MAST4: variants seen among roughly 807,000 people sequenced by gnomAD.
The protein encoded by MAST4 is microtubule associated serine/threonine kinase family member 4, also known as microtubule-associated serine/threonine-protein kinase 4.
A neutral mutation model predicts 162.7 loss-of-function variants in MAST4; 89 were observed. The ratio of observed to expected loss-of-function variants is 0.55; its 90% CI spans 0.46 to 0.65. The LOEUF (loss-of-function observed/expected upper bound fraction) is 0.65. Ranked by LOEUF, MAST4 falls within the 30% of genes least tolerant of loss-of-function variation. MAST4 has a pLI of 0.00. For missense variants in MAST4, 3,153 were observed against 3,374.0 expected, an observed-to-expected ratio of 0.93 and a Z score of 1.62; for synonymous variants, 1,479 against 1,361.1, an observed-to-expected ratio of 1.09 and a Z score of -1.91.
At chr5:66,666,710 C>T (rs1354748100) in intron 1 of MAST4, among the ~76,000 whole-genome samples, 1 of 152,136 alleles carries the variant, frequency 6.6e-6, no homozygotes, top group Non-Finnish European at 1.5e-5. Context: ...ATACTGAAGC[C>T]CCTATAATTC....
intron 2 of MAST4, among the ~76,000 whole-genome samples, chr5:66,776,135 T>A (rs1354262776): frequency 6.6e-6 from 1 of 152,220 alleles, no homozygotes; most frequent in Non-Finnish European, 1.5e-5. Flanking sequence ...GTCTGGAAGT[T>A]TCTGCATAGG....
intron 26 of MAST4, among the ~76,000 whole-genome samples, chr5:67,159,657 T>C (rs988051767): frequency 1.3e-5 from 2 of 152,200 alleles, no homozygotes; most frequent in East Asian, 1.9e-4. Flanking sequence ...GGGTAATTGA[T>C]GCCAGGGACT....
In MAST4 at chr5:67,160,455, G is replaced by C; in HGVS notation, c.3649-1G>C. ...TTAATGCCACCTCATCTTTTCTTTAGAGTGGGAATAAGGTGTCAATCACTA... is the reference window on the plus strand; with the variant it reads ...TTAATGCCACCTCATCTTTTCTTTACAGTGGGAATAAGGTGTCAATCACTA... On this transcript the variant is annotated splice_acceptor_variant, in intron 26 of 28. Transcript: ENST00000403625. LOFTEE classifies it high-confidence loss of function. The C allele has an allele frequency of 6.2e-7, 1 of 1,604,648 alleles. No homozygotes were observed. Among genetic ancestry groups the C allele is most frequent in the Non-Finnish European group, 8.5e-7 (1 of 1,176,132 alleles).
At chr5:66,862,349 A>AT (rs1276025166) in intron 3 of MAST4, among the ~76,000 whole-genome samples, 5 of 152,168 alleles carry the variant, frequency 3.3e-5, no homozygotes, top group Non-Finnish European at 5.9e-5. Context: ...ATATCATTAG[A>AT]TTTTTTTCTA....
rs1744251886 is a variant in MAST4, at chr5:66,624,100, G to A, written c.363+27082G>A. The stretch of plus-strand genomic sequence containing the variant: ...TGATGAAGGAAATTTAAAACAAATG[G>A]AAAGATCTCATGTTCACAGATTGGA... On this transcript the variant is annotated intron_variant, in intron 1 of 28. Coordinates refer to ENST00000403625, the MANE Select transcript of MAST4 (RefSeq NM_001164664.2). Among the ~76,000 whole-genome samples, 3 of 148,816 alleles carry A rather than the reference G, an allele frequency of 2.0e-5. No homozygotes were observed. In the South Asian group the frequency reaches 6.4e-4, roughly 32 times the overall value.
chr5:66,895,161 T>G lies in MAST4; in HGVS notation c.643-4790T>G, dbSNP rs73765789. Among the ~76,000 whole-genome samples the G allele has an allele frequency of 8.1e-3, 1,240 of 152,320 alleles. 18 individuals are homozygous for G. The highest frequency in any genetic ancestry group is 0.028 in the African/African-American group (1,169 of 41,572). On this transcript the variant is annotated intron_variant, in intron 3 of 28. Coordinates refer to ENST00000403625, the MANE Select transcript of MAST4 (RefSeq NM_001164664.2). ...CTTCAGGGGTGCGAGTAGCCATCCA[T>G]ACATTGATTGTTTACTTGTCAGTCT...
intron 3 of MAST4, among the ~76,000 whole-genome samples, chr5:66,858,827 G>A (rs948923642): frequency 6.6e-6 from 1 of 151,954 alleles, no homozygotes; most frequent in African/African-American, 2.4e-5. Flanking sequence ...ATTCATTTGT[G>A]CCTATTAAGC....
intron 4 of MAST4, among the ~76,000 whole-genome samples, chr5:67,039,109 T>A (rs1756403355): frequency 6.6e-6 from 1 of 152,254 alleles, no homozygotes; most frequent in African/African-American, 2.4e-5. Context: ...ATTGTTGTTT[T>A]CAGATGTATT....
At chr5:66,864,576 A>G (rs1261318936) in intron 3 of MAST4, among the ~76,000 whole-genome samples, 2 of 152,134 alleles carry the variant, frequency 1.3e-5, no homozygotes, top group Non-Finnish European at 2.9e-5. Context: ...AGCAAAAGTA[A>G]CGGAAGAGAG....
chr5:66,670,776 T>G (rs1363495568), intron 1 of MAST4, among the ~76,000 whole-genome samples: 1 of 151,918 alleles, frequency 6.6e-6, no homozygotes, highest in Non-Finnish European at 1.5e-5. Flanking sequence ...TTTGCCCTTT[T>G]GTAACTCAAA....
intron 1 of MAST4, among the ~76,000 whole-genome samples, chr5:66,656,132 G>A (rs1746529087): frequency 6.6e-6 from 1 of 152,214 alleles, no homozygotes; most frequent in East Asian, 1.9e-4. Context: ...GGCAGCCACA[G>A]GTGGGCCAGA....
At chr5:66,866,491 C>G (rs1313548492) in intron 3 of MAST4, among the ~76,000 whole-genome samples, 3 of 152,170 alleles carry the variant, frequency 2.0e-5, no homozygotes, top group African/African-American at 7.2e-5. Flanking sequence ...TTAAATCTCC[C>G]TGTCTTACAG....
intron 3 of MAST4, among the ~76,000 whole-genome samples, chr5:66,845,126 T>TATACACACAC (rs1358855625): frequency 6.0e-5 from 4 of 67,172 alleles, no homozygotes; most frequent in South Asian, 6.6e-4. Context: ...TATATATATA[T>TATACACACAC]ACACACACAC....
chr5:66,723,561 AT>A (rs1751345827), intron 1 of MAST4, among the ~76,000 whole-genome samples: 1 of 152,208 alleles, frequency 6.6e-6, no homozygotes, highest in Non-Finnish European at 1.5e-5. Flanking sequence ...ATTATTTTTT[AT>A]TTTTGATCAC....
intron 11 of MAST4, among the ~76,000 whole-genome samples, chr5:67,112,533 A>G (rs1766371859): frequency 6.6e-6 from 1 of 152,096 alleles, no homozygotes; most frequent in Non-Finnish European, 1.5e-5. Context: ...GGTTCTTATG[A>G]CCCCTTCTCT....
intron 4 of MAST4, among the ~76,000 whole-genome samples, chr5:67,020,907 A>G (rs557068151): frequency 6.6e-6 from 1 of 152,278 alleles, no homozygotes; most frequent in African/African-American, 2.4e-5. Context: ...ACTGATTCCC[A>G]TGGGATGGTC....
At chr5:66,680,930 A>G (rs921781371) in intron 1 of MAST4, among the ~76,000 whole-genome samples, 4 of 152,204 alleles carry the variant, frequency 2.6e-5, no homozygotes, top group Admixed American at 1.3e-4. Context: ...TGGGCTGGTC[A>G]TTGACACTCT....
intron 6 of MAST4, among the ~76,000 whole-genome samples, chr5:67,091,091 A>G (rs923348679): frequency 1.3e-5 from 2 of 152,176 alleles, no homozygotes; most frequent in African/African-American, 4.8e-5. Flanking sequence ...TATATCCTAA[A>G]GTGGATTAAA....
chr5:67,090,822 G>C (rs1385533062), intron 6 of MAST4, among the ~76,000 whole-genome samples: 2 of 151,620 alleles, frequency 1.3e-5, no homozygotes, highest in Non-Finnish European at 2.9e-5. Flanking sequence ...CTATGACGTA[G>C]CCAAGTCAGA....
Sources: gnomAD v4.1 joint callset for allele counts (sites outside exome capture counted in the v4.1 genomes callset) on GRCh38, gnomAD v4.1.1 for gene constraint, MANE v1.5 for transcripts, NCBI Gene and HGNC (gene_info 2026-07-23, HGNC 2026-07-21) for gene names.